DYNC1I1: variants seen among roughly 807,000 people sequenced by gnomAD.
DYNC1I1 encodes dynein cytoplasmic 1 intermediate chain 1.
A neutral mutation model predicts 86.6 loss-of-function variants in DYNC1I1; 43 were observed. The ratio of observed to expected loss-of-function variants is 0.50; its 90% CI spans 0.39 to 0.64. The LOEUF is 0.64. Ranked by LOEUF, DYNC1I1 falls within the 30% of genes least tolerant of loss-of-function variation. The pLI is 0.00. For missense variants in DYNC1I1, 604 were observed against 788.8 expected (o/e 0.77, Z 2.81); for synonymous variants, 262 against 283.7 (o/e 0.92, Z 0.77).
chr7:96,056,154 G>C (rs1789571804), intron 14 of DYNC1I1: 1 of 152,026 alleles, frequency 6.6e-6, no homozygotes, highest in South Asian at 2.1e-4. Context: ...ATGCCTGGTT[G>C]GTTTGATTTT....
At chr7:95,941,222 C>T (rs1792206224) in intron 6 of DYNC1I1, among the ~76,000 whole-genome samples, 1 of 151,956 alleles carries the variant, frequency 6.6e-6, no homozygotes, top group Non-Finnish European at 1.5e-5. Context: ...GGGGGTGCCT[C>T]CCAGTTAGGC....
At chr7:95,825,213 G>A (rs887091475) in intron 4 of DYNC1I1, among the ~76,000 whole-genome samples, 1 of 152,178 alleles carries the variant, frequency 6.6e-6, no homozygotes, top group African/African-American at 2.4e-5. Flanking sequence ...CTTTTTAAGT[G>A]GATGATTTGA....
intron 6 of DYNC1I1, among the ~76,000 whole-genome samples, chr7:95,898,832 G>C (rs79004818): frequency 1.7e-3 from 264 of 152,146 alleles, no homozygotes; most frequent in Admixed American, 3.7e-3. Context: ...TTAATGCCCT[G>C]GACAATAAGG....
At chr7:95,822,082 G>A (rs1246816667) in intron 4 of DYNC1I1, among the ~76,000 whole-genome samples, 3 of 152,208 alleles carry the variant, frequency 2.0e-5, no homozygotes, top group Non-Finnish European at 2.9e-5. Flanking sequence ...GGAAGAAATT[G>A]ACCACTCATC....
chr7:95,977,440 C>T (rs1426446538), intron 6 of DYNC1I1, 72 bp from the exon 7 acceptor site: 1 of 1,437,638 alleles, frequency 7.0e-7, no homozygotes, highest in Non-Finnish European at 9.5e-7. Context: ...TTTACCCCTA[C>T]CTCCCACTAT....
chr7:95,866,809 C>A (rs1051478609), intron 5 of DYNC1I1, among the ~76,000 whole-genome samples: 3 of 152,126 alleles, frequency 2.0e-5, no homozygotes, highest in Non-Finnish European at 2.9e-5. Context: ...ACCCTCAAGC[C>A]AGAAGAACCA....
At position 95,858,127 on chromosome 7, in the gene DYNC1I1, AAG is replaced by A. The variant is rs1789774783; in HGVS notation, c.375-11750_375-11749del. On this transcript the variant is annotated intron_variant, in intron 5 of 16. Transcript: ENST00000447467. ...TTCCATCACTTTGTTCTTGTTCTTCAAGAGAGATAATAGCTGTGGCTGAAAGG... is the reference window on the plus strand; with the variant it reads ...TTCCATCACTTTGTTCTTGTTCTTCAAGAGATAATAGCTGTGGCTGAAAGG... 3.3e-5 allele frequency among the ~76,000 whole-genome samples: 5 copies of A among 152,278 alleles called. No individual in the cohort carries two copies. In the South Asian group the frequency reaches 1.0e-3, roughly 32 times the overall value.
chr7:95,890,981 A>G (rs1488501), intron 6 of DYNC1I1, among the ~76,000 whole-genome samples: 19,398 of 152,262 alleles, frequency 0.13, 1,345 homozygotes, highest in South Asian at 0.21. Context: ...CCTCATCCCC[A>G]GTACCTCAGA....
chr7:95,813,129 C>A, intron 3 of DYNC1I1, 118 bp from the exon 4 acceptor site: 1 of 1,518,192 alleles, frequency 6.6e-7, no homozygotes, highest in Non-Finnish European at 8.9e-7. Flanking sequence ...CTCAATGTCT[C>A]CTGGCCATAC....
chr7:96,017,567 G>T (rs1054287783), intron 10 of DYNC1I1, among the ~76,000 whole-genome samples: 2 of 152,096 alleles, frequency 1.3e-5, no homozygotes, highest in Non-Finnish European at 2.9e-5. Context: ...TGCTGAAGAT[G>T]ATTCTCTCTC....
At chr7:96,009,801 G>A (rs760002447) in intron 10 of DYNC1I1, among the ~76,000 whole-genome samples, 5 of 150,638 alleles carry the variant, frequency 3.3e-5, no homozygotes, top group East Asian at 1.9e-4. Context: ...TTTTTAAGAC[G>A]GAGTTTGACT....
rs549958999 is a variant in DYNC1I1, at chr7:95,904,918, T to A, written c.490+34920T>A. On this transcript the variant is annotated intron_variant, in intron 6 of 16. Coordinates refer to ENST00000447467, the MANE Select transcript of DYNC1I1 (RefSeq NM_001135556.2). Reference sequence around the variant, plus strand: ...TTTTCCCAACATTCCTTTTGTCACATCTCTGTTCAAAGTTTCAGAATGCTG... The same window carrying A: ...TTTTCCCAACATTCCTTTTGTCACAACTCTGTTCAAAGTTTCAGAATGCTG... 2.6e-5 allele frequency among the ~76,000 whole-genome samples: 4 copies of A among 152,344 alleles called. 1 individual carries two copies. The highest frequency in any genetic ancestry group is 9.6e-5 in the African/African-American group (4 of 41,590).
intron 14 of DYNC1I1, among the ~76,000 whole-genome samples, chr7:96,058,933 C>T (rs1047422159): frequency 1.3e-4 from 19 of 151,710 alleles, no homozygotes; most frequent in South Asian, 2.1e-4. Flanking sequence ...AGTGAGCCAC[C>T]GCACCTGGCC....
rs114300236 is a variant in DYNC1I1, at chr7:95,830,662, C to T, written c.374+2546C>T. 6.3e-3 allele frequency among the ~76,000 whole-genome samples: 956 copies of T among 152,236 alleles called. 9 individuals carry two copies. Among genetic ancestry groups the T allele is most frequent in the African/African-American group, 0.022 (901 of 41,542 alleles). ...TACAAATAGAACTGCTATAAACATTCATGTACAAATATTTTAATGCACATA... is the reference window on the plus strand; with the variant it reads ...TACAAATAGAACTGCTATAAACATTTATGTACAAATATTTTAATGCACATA... On this transcript the variant is annotated intron_variant, in intron 5 of 16. Transcript: ENST00000447467.
At chr7:95,818,709 G>A in intron 4 of DYNC1I1, 1 of 427,530 alleles carries the variant, frequency 2.3e-6, no homozygotes, top group Non-Finnish European at 4.1e-6. Context: ...AAATATAAAT[G>A]AGCAAAAATA....
At chr7:96,108,719 G>A (rs182938390) in intron 16 of DYNC1I1, among the ~76,000 whole-genome samples, 11 of 152,006 alleles carry the variant, frequency 7.2e-5, no homozygotes, top group South Asian at 2.1e-4. Flanking sequence ...AAAATTAACC[G>A]GGTGTGGTGG....
chr7:95,914,375 G>A (rs1167997515), intron 6 of DYNC1I1, among the ~76,000 whole-genome samples: 1 of 152,080 alleles, frequency 6.6e-6, no homozygotes, highest in Non-Finnish European at 1.5e-5. Flanking sequence ...TGCGGGTTGT[G>A]GATTATGGAA....
At chr7:95,828,141 C>G (rs1313500000) in intron 5 of DYNC1I1, 25 bp downstream of exon 5, 2 of 1,612,832 alleles carry the variant, frequency 1.2e-6, no homozygotes, top group Admixed American at 3.3e-5. Context: ...TTTTGTTACT[C>G]CTTTTATTAT....
chr7:95,968,822 CTCTG>C (rs772009783), intron 6 of DYNC1I1, among the ~76,000 whole-genome samples: 22,610 of 133,502 alleles, frequency 0.17, 2,100 homozygotes, highest in Non-Finnish European at 0.21. Context: ...GAATTTTTTG[CTCTG>C]TGTGTGTGTG....
Sources: allele counts gnomAD v4.1 joint callset (sites outside exome capture counted in the v4.1 genomes callset), GRCh38; gene constraint gnomAD v4.1.1; transcripts MANE v1.5; gene names NCBI Gene and HGNC (gene_info 2026-07-23, HGNC 2026-07-21).